The following PHC2 variants were observed in gnomAD, a reference collection of about 807,000 sequenced individuals.
PHC2 encodes the protein polyhomeotic homolog 2.
PHC2 carries 29 observed loss-of-function variants against 87.4 expected under a neutral mutation model. That is an observed-to-expected ratio of 0.33 (90% CI 0.25 to 0.45). The LOEUF is 0.45. PHC2 is among the 20% of genes least tolerant of loss of function. The probability of loss-of-function intolerance (pLI) is 1.00; values close to 1 mark genes in which losing one functional copy is unlikely to be tolerated. For synonymous variants in PHC2, 438 were observed against 461.7 expected (o/e 0.95, Z 0.66); for missense variants, 857 against 1,136.7 (o/e 0.75, Z 3.54).
chr1:33,334,026 AAAATATTC>A lies in PHC2; in HGVS notation c.1761+56_1761+63del, dbSNP rs1312284799. The A allele has an allele frequency of 5.7e-6, 8 of 1,401,882 alleles. No homozygotes were observed. Among genetic ancestry groups the A allele is most frequent in the Non-Finnish European group, 7.9e-6 (8 of 1,013,980 alleles). The allele number at this position is 1,401,882 out of a possible 1,614,324, so 86.8% of individuals were successfully genotyped here. A position where few individuals can be genotyped will look rare whatever the true frequency, so the allele number is the denominator to read the frequency against. On this transcript the variant is annotated intron_variant, in intron 10 of 14. Coordinates refer to ENST00000683057, the MANE Select transcript of PHC2 (RefSeq NM_001385109.1). This position sits in a 1 kb window ranked among gnomAD's most constrained non-coding sequence, Gnocchi z 5.5. ...TTCAGAAATTTTACATGGAAATGTA[AAAATATTC>A]TAAGACACATCCAAAATATACTTAA...
intron 1 of PHC2, among the ~76,000 whole-genome samples, chr1:33,394,861 C>T (rs980746465): frequency 3.9e-5 from 6 of 152,166 alleles, no homozygotes; most frequent in Non-Finnish European, 2.9e-5. Flanking sequence ...TGAGCCATCA[C>T]GCCCAGCCAA....
At chr1:33,401,694 C>T (rs10914697) in intron 1 of PHC2, among the ~76,000 whole-genome samples, 1 of 151,936 alleles carries the variant, frequency 6.6e-6, no homozygotes, top group Non-Finnish European at 1.5e-5. Flanking sequence ...AACAGAAGTT[C>T]CCAAAATAGA....
intron 1 of PHC2, among the ~76,000 whole-genome samples, chr1:33,385,995 C>T (rs1570502354): frequency 6.6e-6 from 1 of 151,624 alleles, no homozygotes. Flanking sequence ...TGGGGTTTCA[C>T]TATGTTGGCC....
chr1:33,389,547 C>T (rs1274573614), intron 1 of PHC2, among the ~76,000 whole-genome samples: 3 of 152,190 alleles, frequency 2.0e-5, no homozygotes, highest in Non-Finnish European at 4.4e-5. Flanking sequence ...TGCTTCTGCC[C>T]TGGCAACTTG....
At chr1:33,366,224 C>T (rs1647439372) in intron 7 of PHC2, among the ~76,000 whole-genome samples, 1 of 152,224 alleles carries the variant, frequency 6.6e-6, no homozygotes, top group African/African-American at 2.4e-5. Flanking sequence ...GGGATGCGAT[C>T]AGCGTGACCC....
At chr1:33,354,364 T>C (rs2148280270) in intron 9 of PHC2, 37 bp downstream of exon 9, 2 of 1,576,120 alleles carry the variant, frequency 1.3e-6, no homozygotes, top group Non-Finnish European at 1.7e-6. Flanking sequence ...AAAGGCCAAC[T>C]TCCTCCCCTC....
chr1:33,343,631 C>T (rs1211877384), intron 9 of PHC2, among the ~76,000 whole-genome samples: 1 of 152,206 alleles, frequency 6.6e-6, no homozygotes, highest in Non-Finnish European at 1.5e-5. Context: ...GCACAACACA[C>T]TGGACTAGGC....
intron 9 of PHC2, chr1:33,336,659 G>T (rs1646642974): frequency 1.3e-5 from 2 of 152,380 alleles, no homozygotes; most frequent in Admixed American, 1.3e-4. Flanking sequence ...TCTAGCAGGG[G>T]AGGGCAGCTA....
chr1:33,425,077 G>C (rs1650613607), intron 1 of PHC2, among the ~76,000 whole-genome samples: 2 of 152,182 alleles, frequency 1.3e-5, no homozygotes, highest in African/African-American at 4.8e-5. Context: ...TAAAATTTAA[G>C]AGTCAAATAT....
intron 1 of PHC2, among the ~76,000 whole-genome samples, chr1:33,401,474 T>C (rs1649528221): frequency 6.6e-6 from 1 of 152,238 alleles, no homozygotes; most frequent in South Asian, 2.1e-4. Flanking sequence ...ATTAGCACTA[T>C]CTTTTGGATA....
chr1:33,412,340 C>T (rs954987899), intron 1 of PHC2, among the ~76,000 whole-genome samples: 5 of 152,164 alleles, frequency 3.3e-5, no homozygotes, highest in Non-Finnish European at 7.4e-5. Context: ...TGGAGCCTTT[C>T]TCTTAACTAT....
intron 1 of PHC2, among the ~76,000 whole-genome samples, chr1:33,411,483 C>T: frequency 6.6e-6 from 1 of 150,932 alleles, no homozygotes; most frequent in Non-Finnish European, 1.5e-5. Context: ...TATATTAAGG[C>T]AAAGTTTAAC....
In PHC2 at chr1:33,324,721, G is replaced by T; in HGVS notation, c.*144C>A. 1.3e-6 allele frequency: 1 copy of T among 789,488 alleles called. No homozygotes were observed. Among genetic ancestry groups the T allele is most frequent in the Non-Finnish European group, 1.9e-6 (1 of 523,992 alleles). The allele number at this position is 789,488 out of a possible 1,614,324, so 48.9% of individuals were successfully genotyped here. On this transcript the variant is annotated 3_prime_UTR_variant, in exon 15 of 15. Coordinates refer to ENST00000683057, the MANE Select transcript of PHC2 (RefSeq NM_001385109.1). Reference sequence around the variant, plus strand: ...GGCCCCTGAGAGCCATGGAGGAGGTGCCCAGACCTCCTCACCAGCTATGCC... The same window carrying T: ...GGCCCCTGAGAGCCATGGAGGAGGTTCCCAGACCTCCTCACCAGCTATGCC...
At chr1:33,365,705 T>G (rs1340592308) in intron 7 of PHC2, among the ~76,000 whole-genome samples, 1 of 152,074 alleles carries the variant, frequency 6.6e-6, no homozygotes, top group African/African-American at 2.4e-5. Context: ...CGTGGGGAGG[T>G]GCCTTTCTTG....
chr1:33,403,718 T>A (rs1354173917), intron 1 of PHC2, among the ~76,000 whole-genome samples: 7 of 152,212 alleles, frequency 4.6e-5, no homozygotes, highest in African/African-American at 1.4e-4. Context: ...AAAATTACTT[T>A]CACTGAGGTC....
intron 7 of PHC2, among the ~76,000 whole-genome samples, chr1:33,362,560 C>A (rs1010299637): frequency 3.3e-5 from 5 of 152,130 alleles, no homozygotes; most frequent in Admixed American, 2.0e-4. Flanking sequence ...AAGGTATGAA[C>A]TGACAAACTC....
chr1:33,334,166 TGTG>T lies in PHC2; in HGVS notation c.1682_1684del (p.Pro561del). 6.2e-7 allele frequency: 1 copy of T among 1,613,980 alleles called. No individual in the cohort carries two copies. Among genetic ancestry groups the T allele is most frequent in the East Asian group, 2.2e-5 (1 of 44,880 alleles). On this transcript the variant is annotated inframe_deletion, in exon 10 of 15. Transcript: ENST00000683057. The surrounding 1 kb of genome is among the most constrained non-coding windows in gnomAD (Gnocchi z 5.5). ...CAGGATTTGGGGTTTCACAATGGCC[TGTG>T]GTGGTTTATTCTCACCATTCTGGGG...
intron 9 of PHC2, among the ~76,000 whole-genome samples, chr1:33,344,864 C>A (rs1244226037): frequency 6.6e-6 from 1 of 152,010 alleles, no homozygotes; most frequent in Non-Finnish European, 1.5e-5. Flanking sequence ...CTGCCTCGGC[C>A]CCCCAGGCAT....
rs1646323378 is a variant in PHC2 at position 33,324,185 on chromosome 1, A to G, written c.*680T>C. 1 of 152,776 alleles carries G rather than the reference A, an allele frequency of 6.5e-6. No individual in the cohort carries two copies. Among genetic ancestry groups the G allele is most frequent in the Non-Finnish European group, 1.5e-5 (1 of 68,158 alleles). The allele number at this position is 152,776 out of a possible 1,614,324, so 9.5% of individuals were successfully genotyped here. A position where few individuals can be genotyped will look rare whatever the true frequency, so the allele number is the denominator to read the frequency against. On this transcript the variant is annotated 3_prime_UTR_variant, in exon 15 of 15. Transcript: ENST00000683057. The stretch of plus-strand genomic sequence containing the variant: ...CCTGAGGCTGAGTGGAGTCCAGGAC[A>G]AAGCACTAAGTGGCTGTTTGCTACA...
Sources: allele counts gnomAD v4.1 joint callset (sites outside exome capture counted in the v4.1 genomes callset), GRCh38; gene constraint gnomAD v4.1.1; non-coding constraint Gnocchi (gnomAD v3.1); transcripts MANE v1.5; gene names NCBI Gene and HGNC (gene_info 2026-07-23, HGNC 2026-07-21).